The following KCNAB1 variants were observed in gnomAD, a reference collection of about 807,000 sequenced individuals.
KCNAB1 encodes the protein voltage-gated potassium channel subunit beta-1.
Under a neutral mutation model 64.6 loss-of-function variants are expected in KCNAB1, and 35 were observed. That is an observed-to-expected ratio of 0.54 (90% CI 0.41 to 0.72). The LOEUF (loss-of-function observed/expected upper bound fraction) is 0.72. Among genes scored for constraint, KCNAB1 ranks in the 30% least tolerant of loss-of-function variants. The pLI, the probability that KCNAB1 is intolerant of heterozygous loss-of-function variation, is 0.00. For missense variants in KCNAB1, 401 were observed against 512.9 expected (o/e 0.78, Z 2.11); for synonymous variants, 177 against 183.8 (o/e 0.96, Z 0.30).
intron 1 of KCNAB1, among the ~76,000 whole-genome samples, chr3:156,179,339 A>G (rs914122238): frequency 6.6e-6 from 1 of 151,952 alleles, no homozygotes; most frequent in East Asian, 1.9e-4. Context: ...TTTCCATTCC[A>G]TTCCAGAAGG....
chr3:156,194,129 G>GA (rs948335393), intron 1 of KCNAB1, among the ~76,000 whole-genome samples: 1 of 151,428 alleles, frequency 6.6e-6, no homozygotes, highest in Non-Finnish European at 1.5e-5. Context: ...TAAATATTAA[G>GA]AAAAAATTTA....
intron 1 of KCNAB1, among the ~76,000 whole-genome samples, chr3:156,335,787 A>G (rs1723657716): frequency 6.6e-6 from 1 of 152,164 alleles, no homozygotes; most frequent in African/African-American, 2.4e-5. Flanking sequence ...GCTTAGATAG[A>G]AAGAACACAA....
chr3:156,120,898 C>CT lies in KCNAB1; in HGVS notation c.275+13dup. 1 of 1,612,022 alleles carries CT rather than the reference C, an allele frequency of 6.2e-7. No homozygotes were observed. Among genetic ancestry groups the CT allele is most frequent in the Non-Finnish European group, 8.5e-7 (1 of 1,178,946 alleles). On this transcript the variant is annotated intron_variant, in intron 1 of 13. Transcript: ENST00000490337. Reference sequence around the variant, plus strand: ...GGCATGCCGCACAGGTAAGCTGCCCCTGCTCTGCGCGGGCTTTGGGAGACG... The same window carrying CT: ...GGCATGCCGCACAGGTAAGCTGCCCCTTGCTCTGCGCGGGCTTTGGGAGACG...
At chr3:156,528,571 G>C (rs1718483998) in intron 12 of KCNAB1, among the ~76,000 whole-genome samples, 1 of 152,134 alleles carries the variant, frequency 6.6e-6, no homozygotes, top group Non-Finnish European at 1.5e-5. Flanking sequence ...TGGAATTCAG[G>C]GAAGTACTTT....
At chr3:156,226,041 C>A (rs1716138136) in intron 1 of KCNAB1, among the ~76,000 whole-genome samples, 1 of 152,100 alleles carries the variant, frequency 6.6e-6, no homozygotes, top group African/African-American at 2.4e-5. Flanking sequence ...ACACCACCAT[C>A]ATTTCTCATA....
chr3:156,309,532 G>T (rs1179631212), intron 1 of KCNAB1, among the ~76,000 whole-genome samples: 1 of 152,220 alleles, frequency 6.6e-6, no homozygotes, highest in Non-Finnish European at 1.5e-5. Context: ...AAGAAATATT[G>T]AATGCTACTC....
chr3:156,309,819 T>C (rs1400232520), intron 1 of KCNAB1, among the ~76,000 whole-genome samples: 3 of 152,188 alleles, frequency 2.0e-5, no homozygotes, highest in Non-Finnish European at 4.4e-5. Context: ...AAGCCAGAGA[T>C]TGCAGGGGCA....
intron 1 of KCNAB1, among the ~76,000 whole-genome samples, chr3:156,292,588 AGT>A (rs1720507982): frequency 6.6e-6 from 1 of 152,098 alleles, no homozygotes; most frequent in Non-Finnish European, 1.5e-5. Flanking sequence ...CCCAGGCTGG[AGT>A]GCAGTGGTGC....
intron 1 of KCNAB1, among the ~76,000 whole-genome samples, chr3:156,220,386 C>T (rs755433682): frequency 2.0e-5 from 3 of 152,176 alleles, no homozygotes; most frequent in Non-Finnish European, 2.9e-5. Flanking sequence ...TCTGTTGTTT[C>T]CTGACTTTTT....
intron 1 of KCNAB1, among the ~76,000 whole-genome samples, chr3:156,172,390 G>A (rs1055618796): frequency 2.0e-5 from 3 of 150,348 alleles, no homozygotes; most frequent in South Asian, 2.1e-4. Context: ...AGCAATTCTC[G>A]TGCCTCAGCC....
chr3:156,477,402 G>A (rs1714448015), intron 8 of KCNAB1, among the ~76,000 whole-genome samples: 1 of 152,150 alleles, frequency 6.6e-6, no homozygotes, highest in Non-Finnish European at 1.5e-5. Flanking sequence ...TTGTTGATAA[G>A]GTCAAGGCAC....
At chr3:156,475,820 T>A (rs1714298810) in intron 8 of KCNAB1, among the ~76,000 whole-genome samples, 1 of 152,202 alleles carries the variant, frequency 6.6e-6, no homozygotes, top group Non-Finnish European at 1.5e-5. Context: ...TAAATTTTTC[T>A]GGGTTGTATT....
intron 1 of KCNAB1, among the ~76,000 whole-genome samples, chr3:156,395,585 A>AAAAAAAAAAAAAAAAAAT (rs1713399557): frequency 7.4e-6 from 1 of 135,470 alleles, no homozygotes; most frequent in Non-Finnish European, 1.6e-5. Flanking sequence ...AAAAAAAAAA[A>AAAAAAAAAAAAAAAAAAT]TCAGACATTG....
chr3:156,399,194 T>G (rs1713709114), intron 1 of KCNAB1, among the ~76,000 whole-genome samples: 1 of 152,132 alleles, frequency 6.6e-6, no homozygotes. Flanking sequence ...CTCCCAGGGG[T>G]TGCTTATTCC....
chr3:156,139,613 T>TTTTTTC (rs1714589985), intron 1 of KCNAB1, among the ~76,000 whole-genome samples: 1 of 138,650 alleles, frequency 7.2e-6, no homozygotes, highest in African/African-American at 2.6e-5. Flanking sequence ...TTTTTTTTGT[T>TTTTTTC]CCCCCTAGCT....
intron 1 of KCNAB1, among the ~76,000 whole-genome samples, chr3:156,318,213 A>G (rs1722405863): frequency 6.6e-6 from 1 of 152,206 alleles, no homozygotes. Context: ...TTGCTTTTTA[A>G]TATACATCCA....
At chr3:156,236,159 A>G (rs566697862) in intron 1 of KCNAB1, among the ~76,000 whole-genome samples, 44 of 152,332 alleles carry the variant, frequency 2.9e-4, no homozygotes, top group African/African-American at 8.9e-4. Flanking sequence ...AATGTAAAGC[A>G]TCCCTTATGC....
chr3:156,420,255 C>T (rs759959977), intron 1 of KCNAB1, among the ~76,000 whole-genome samples: 4 of 152,214 alleles, frequency 2.6e-5, no homozygotes, highest in African/African-American at 4.8e-5. Context: ...TAGACATCAA[C>T]GCTACATCTT....
chr3:156,188,933 G>C (rs936389235), intron 1 of KCNAB1, among the ~76,000 whole-genome samples: 1 of 152,148 alleles, frequency 6.6e-6, no homozygotes, highest in Non-Finnish European at 1.5e-5. Flanking sequence ...AGGGTGAGTC[G>C]TGGTGGGCCC....
Sources: allele counts gnomAD v4.1 joint callset (sites outside exome capture counted in the v4.1 genomes callset), GRCh38; gene constraint gnomAD v4.1.1; transcripts MANE v1.5; gene names NCBI Gene and HGNC (gene_info 2026-07-23, HGNC 2026-07-21).